KDM4C: variants seen among roughly 807,000 people sequenced by gnomAD.
KDM4C encodes the protein lysine demethylase 4C, also known as lysine-specific demethylase 4C.
In KDM4C, 81 loss-of-function variants were observed where a neutral mutation model predicts 129.3. The ratio of observed to expected loss-of-function variants is 0.63; its 90% CI spans 0.52 to 0.75. KDM4C has a LOEUF of 0.75. Ranked by LOEUF, KDM4C falls within the 30% of genes least tolerant of loss-of-function variation. The pLI, the probability that KDM4C is intolerant of heterozygous loss-of-function variation, is 0.00. For missense variants in KDM4C, 1,457 were observed against 1,304.0 expected (o/e 1.12, Z -1.81); for synonymous variants, 573 against 456.1 (o/e 1.26, Z -3.26).
At chr9:7,007,329 C>T (rs556647383) in intron 12 of KDM4C, among the ~76,000 whole-genome samples, 12 of 152,242 alleles carry the variant, frequency 7.9e-5, no homozygotes, top group South Asian at 4.1e-4. Context: ...TCTAGGAGTA[C>T]GGGTTTCCAC....
chr9:7,103,523 A>T (rs1047053331), intron 17 of KDM4C, among the ~76,000 whole-genome samples, 162 bp from the exon 18 acceptor site: 1 of 151,834 alleles, frequency 6.6e-6, no homozygotes, highest in Admixed American at 6.6e-5. Context: ...ACATTGCCAC[A>T]GATGCTGTCA....
At chr9:6,919,860 C>G (rs1218958626) in intron 8 of KDM4C, among the ~76,000 whole-genome samples, 2 of 152,068 alleles carry the variant, frequency 1.3e-5, no homozygotes, top group Admixed American at 6.5e-5. Context: ...TAGGTGTGAG[C>G]CACTGCACCT....
At chr9:6,737,912 G>A (rs1230641749) in intron 1 of KDM4C, among the ~76,000 whole-genome samples, 4 of 151,682 alleles carry the variant, frequency 2.6e-5, no homozygotes, top group Non-Finnish European at 5.9e-5. Flanking sequence ...CGAAGCAGGT[G>A]GATCACCTGA....
chr9:6,924,003 T>C (rs1822017305), intron 8 of KDM4C, among the ~76,000 whole-genome samples: 1 of 152,178 alleles, frequency 6.6e-6, no homozygotes, highest in South Asian at 2.1e-4. Flanking sequence ...CTTGGTAAGT[T>C]TTTTGAACAG....
intron 8 of KDM4C, among the ~76,000 whole-genome samples, chr9:6,935,873 T>C (rs545690412): frequency 4.6e-5 from 7 of 152,324 alleles, no homozygotes; most frequent in Non-Finnish European, 7.3e-5. Flanking sequence ...AAGAAACTTA[T>C]ATTCCAGATT....
At chr9:6,895,374 T>G (rs6477122) in intron 8 of KDM4C, among the ~76,000 whole-genome samples, 70,515 of 151,990 alleles carry the variant, frequency 0.46, 16,695 homozygotes, top group Middle Eastern at 0.6. Flanking sequence ...TAAACGTTCA[T>G]ATTTGTTGCT....
chr9:7,029,642 T>A (rs1421149720), intron 15 of KDM4C, among the ~76,000 whole-genome samples: 1 of 152,180 alleles, frequency 6.6e-6, no homozygotes, highest in Non-Finnish European at 1.5e-5. Flanking sequence ...GATTATTTTT[T>A]AATTTGGGGG....
intron 1 of KDM4C, among the ~76,000 whole-genome samples, chr9:6,778,070 C>G (rs1019364192): frequency 1.3e-5 from 2 of 150,964 alleles, no homozygotes; most frequent in Admixed American, 6.6e-5. Context: ...ACAGGCATGC[C>G]ACCATGCTTG....
At chr9:7,158,579 T>C (rs1308206391) in intron 19 of KDM4C, among the ~76,000 whole-genome samples, 1 of 152,224 alleles carries the variant, frequency 6.6e-6, no homozygotes, top group Non-Finnish European at 1.5e-5. Flanking sequence ...TCTTTATGTC[T>C]GCCTTCATTT....
At chr9:6,817,416 G>A (rs1451554530) in intron 4 of KDM4C, among the ~76,000 whole-genome samples, 1 of 151,874 alleles carries the variant, frequency 6.6e-6, no homozygotes, top group Non-Finnish European at 1.5e-5. Flanking sequence ...TGTTGCCCAC[G>A]CTGGTCTCAA....
intron 8 of KDM4C, chr9:6,974,669 A>G (rs1397832680): frequency 2.0e-5 from 3 of 152,090 alleles, no homozygotes; most frequent in African/African-American, 4.8e-5. Flanking sequence ...GTCTGTTTTC[A>G]TATGTGATCA....
intron 8 of KDM4C, among the ~76,000 whole-genome samples, chr9:6,966,586 T>G (rs1351096122): frequency 2.0e-5 from 3 of 152,258 alleles, no homozygotes; most frequent in African/African-American, 7.2e-5. Context: ...ATATGATTGT[T>G]TATGAAGAAT....
chr9:7,121,641 T>C (rs143179190), intron 18 of KDM4C, among the ~76,000 whole-genome samples: 81 of 152,278 alleles, frequency 5.3e-4, no homozygotes, highest in African/African-American at 1.9e-3. Flanking sequence ...TGTACGTAGA[T>C]GAAAAGTGAG....
At chr9:6,833,167 G>T (rs919585542) in intron 4 of KDM4C, among the ~76,000 whole-genome samples, 34 of 151,966 alleles carry the variant, frequency 2.2e-4, no homozygotes, top group African/African-American at 8.2e-4. Flanking sequence ...GCTTCATATG[G>T]TTTGGGCCCC....
At chr9:7,127,910 A>T in intron 18 of KDM4C, 156 bp from the exon 19 acceptor site, 1 of 601,488 alleles carries the variant, frequency 1.7e-6, no homozygotes, top group Non-Finnish European at 2.7e-6. Context: ...ACTTTTCTGT[A>T]AGTTTGAAAT....
At chr9:6,791,606 C>T (rs961510019) in intron 1 of KDM4C, among the ~76,000 whole-genome samples, 9 of 152,188 alleles carry the variant, frequency 5.9e-5, no homozygotes, top group Admixed American at 3.3e-4. Flanking sequence ...AGTAAACTAA[C>T]GATTTTTAAC....
At chr9:6,743,916 AT>A (rs35581518) in intron 1 of KDM4C, among the ~76,000 whole-genome samples, 42,515 of 143,066 alleles carry the variant, frequency 0.3, 6,223 homozygotes, top group African/African-American at 0.39. Flanking sequence ...ATCCTCTCCA[AT>A]TTTTTTTTTT....
At chr9:6,899,562 T>G (rs1339431119) in intron 8 of KDM4C, among the ~76,000 whole-genome samples, 1 of 151,912 alleles carries the variant, frequency 6.6e-6, no homozygotes, top group Non-Finnish European at 1.5e-5. Context: ...TGTGTGTGTG[T>G]GTGTGTGTTT....
At chr9:6,917,863 C>A (rs1820608944) in intron 8 of KDM4C, among the ~76,000 whole-genome samples, 1 of 152,184 alleles carries the variant, frequency 6.6e-6, no homozygotes, top group South Asian at 2.1e-4. Context: ...CACTTGTGCA[C>A]TTGACCCCAG....
Sources: gnomAD v4.1 joint callset for allele counts (sites outside exome capture counted in the v4.1 genomes callset) on GRCh38, gnomAD v4.1.1 for gene constraint, MANE v1.5 for transcripts, NCBI Gene and HGNC (gene_info 2026-07-23, HGNC 2026-07-21) for gene names.